Variants in CCDC171 observed in about 807,000 individuals in gnomAD.
CCDC171 encodes coiled-coil domain-containing protein 171.
In CCDC171, 177 loss-of-function variants were observed where a neutral mutation model predicts 168.2. The ratio of observed to expected loss-of-function variants is 1.05; its 90% CI spans 0.93 to 1.19. CCDC171 has a LOEUF of 1.19. Among genes scored for constraint, CCDC171 ranks in the 50% most tolerant of loss-of-function variants. CCDC171 has a pLI of 0.00. For synonymous variants in CCDC171, 687 were observed against 540.8 expected, an observed-to-expected ratio of 1.27 and a Z score of -3.75; for missense variants, 1,991 against 1,539.0, an observed-to-expected ratio of 1.29 and a Z score of -4.91.
intron 3 of CCDC171, among the ~76,000 whole-genome samples, chr9:15,574,739 C>A (rs1030411023): frequency 3.9e-5 from 6 of 152,210 alleles, no homozygotes; most frequent in African/African-American, 1.2e-4. Context: ...ATTCCTAATG[C>A]GAACACAAAT....
intron 23 of CCDC171, among the ~76,000 whole-genome samples, chr9:15,854,546 G>A (rs757552211): frequency 2.6e-5 from 4 of 151,466 alleles, no homozygotes; most frequent in Non-Finnish European, 4.4e-5. Flanking sequence ...TGGTTTCCTT[G>A]ATTTGCTCCA....
chr9:15,753,188 AGAAGGTGCT>A (rs941130978), intron 18 of CCDC171, among the ~76,000 whole-genome samples: 3 of 152,136 alleles, frequency 2.0e-5, no homozygotes, highest in African/African-American at 7.2e-5. Context: ...AAGAATCTAC[AGAAGGTGCT>A]GCTCATTGTG....
intron 24 of CCDC171, among the ~76,000 whole-genome samples, chr9:15,899,651 C>T (rs561185783): frequency 7.9e-5 from 12 of 151,998 alleles, no homozygotes; most frequent in Non-Finnish European, 1.3e-4. Context: ...ATAAAATTTG[C>T]GATTTGTATA....
At chr9:15,673,326 A>C (rs1044513088) in intron 9 of CCDC171, among the ~76,000 whole-genome samples, 3 of 152,208 alleles carry the variant, frequency 2.0e-5, no homozygotes, top group South Asian at 4.1e-4. Flanking sequence ...CTCTTTTCCT[A>C]ATTGAATACG....
Position 15,913,690 on chromosome 9 carries a change from C to T in CCDC171, c.3601-6580C>T, listed in dbSNP as rs188265121. ...CCATCCAGTTTTGTTTCCTTGCTGG[C>T]GAGGAGTTGTGATCATTTGGAGAAG... On this transcript the variant is annotated intron_variant, in intron 24 of 25. Coordinates refer to ENST00000380701, the MANE Select transcript of CCDC171 (RefSeq NM_173550.4). Among the ~76,000 whole-genome samples, 32 of 152,184 alleles carry T rather than the reference C, an allele frequency of 2.1e-4. No homozygotes were observed. In the South Asian group the frequency reaches 3.1e-3, roughly 15 times the overall value.
chr9:15,952,675 G>T (rs1476071784), intron 25 of CCDC171, among the ~76,000 whole-genome samples: 1 of 152,122 alleles, frequency 6.6e-6, no homozygotes, highest in African/African-American at 2.4e-5. Flanking sequence ...GGGATTACAG[G>T]CATGAGCCAC....
the CCDC171 span, among the ~76,000 whole-genome samples, chr9:16,107,848 G>T: frequency 6.6e-6 from 1 of 152,048 alleles, no homozygotes; most frequent in Non-Finnish European, 1.5e-5. Flanking sequence ...TCAGGATAGG[G>T]CCTGGTATGT....
the CCDC171 span, among the ~76,000 whole-genome samples, chr9:16,092,032 T>A: frequency 3.6e-3 from 548 of 152,292 alleles, 2 homozygotes; most frequent in Middle Eastern, 0.017. Context: ...TTGTTCCAGG[T>A]CTAAGTGGTA....
intron 6 of CCDC171, among the ~76,000 whole-genome samples, chr9:15,622,018 A>G (rs1000303196): frequency 2.0e-5 from 3 of 152,348 alleles, no homozygotes; most frequent in Non-Finnish European, 4.4e-5. Context: ...TCTTTAGCAA[A>G]CTAACACAGG....
At chr9:15,703,921 G>A (rs968916623) in intron 11 of CCDC171, among the ~76,000 whole-genome samples, 1 of 152,108 alleles carries the variant, frequency 6.6e-6, no homozygotes, top group Non-Finnish European at 1.5e-5. Context: ...TAACATTAAA[G>A]ATCACTGATC....
intron 7 of CCDC171, among the ~76,000 whole-genome samples, chr9:15,634,702 G>T (rs1393154840): frequency 6.6e-6 from 1 of 152,112 alleles, no homozygotes; most frequent in Non-Finnish European, 1.5e-5. Flanking sequence ...CAATTCAGTG[G>T]TTTTTAGTGT....
intron 18 of CCDC171, among the ~76,000 whole-genome samples, chr9:15,749,084 G>A (rs779669576): frequency 6.6e-6 from 1 of 151,238 alleles, no homozygotes; most frequent in Non-Finnish European, 1.5e-5. Context: ...CTCACACGCA[G>A]AGATGCACAT....
At chr9:15,558,988 G>T (rs1280087869) in intron 1 of CCDC171, among the ~76,000 whole-genome samples, 1 of 152,078 alleles carries the variant, frequency 6.6e-6, no homozygotes, top group Non-Finnish European at 1.5e-5. Context: ...ATTTCGTTAT[G>T]TACCCAGCAG....
At chr9:15,776,654 C>T (rs1394016365) in intron 18 of CCDC171, among the ~76,000 whole-genome samples, 1 of 152,292 alleles carries the variant, frequency 6.6e-6, no homozygotes, top group East Asian at 1.9e-4. Context: ...CTCCATGAGA[C>T]AGTTCTTTAT....
At chr9:15,593,532 CT>C (rs2042140342) in intron 5 of CCDC171, among the ~76,000 whole-genome samples, 1 of 151,990 alleles carries the variant, frequency 6.6e-6, no homozygotes, top group African/African-American at 2.4e-5. Flanking sequence ...GCACAGAATT[CT>C]TTTCTTTGCC....
At chr9:15,909,823 GTCTTTT>G (rs1394461339) in intron 24 of CCDC171, among the ~76,000 whole-genome samples, 1 of 152,018 alleles carries the variant, frequency 6.6e-6, no homozygotes, top group Non-Finnish European at 1.5e-5. Flanking sequence ...TCTAATGGTG[GTCTTTT>G]TATTTTTATT....
intron 11 of CCDC171, among the ~76,000 whole-genome samples, chr9:15,698,965 A>G (rs958582048): frequency 2.0e-5 from 3 of 152,186 alleles, no homozygotes; most frequent in Non-Finnish European, 2.9e-5. Context: ...CCTTTGATAT[A>G]CTGATTTTCT....
intron 7 of CCDC171, among the ~76,000 whole-genome samples, chr9:15,650,029 G>C (rs2132753647): frequency 6.6e-6 from 1 of 152,304 alleles, no homozygotes; most frequent in East Asian, 1.9e-4. Context: ...ACTGGATTAA[G>C]AAAATGTGGC....
intron 7 of CCDC171, among the ~76,000 whole-genome samples, chr9:15,638,789 C>T (rs1789755065): frequency 6.6e-6 from 1 of 151,594 alleles, no homozygotes; most frequent in South Asian, 2.1e-4. Flanking sequence ...ACTCCCAATC[C>T]AATTTTATAA....
Sources: allele counts gnomAD v4.1 joint callset (sites outside exome capture counted in the v4.1 genomes callset), GRCh38; gene constraint gnomAD v4.1.1; transcripts MANE v1.5; gene names NCBI Gene and HGNC (gene_info 2026-07-23, HGNC 2026-07-21).